Variants in PRDM16 observed in about 807,000 individuals in gnomAD.
The protein encoded by PRDM16 is histone-lysine N-methyltransferase PRDM16.
PRDM16 carries 23 observed loss-of-function variants against 110.6 expected under a neutral mutation model. The ratio of observed to expected loss-of-function variants is 0.21; its 90% CI spans 0.15 to 0.29. The LOEUF (loss-of-function observed/expected upper bound fraction) is 0.29. Ranked by LOEUF, PRDM16 falls within the 10% of genes least tolerant of loss-of-function variation. PRDM16 has a pLI of 1.00. For missense variants in PRDM16, 1,615 were observed against 1,794.3 expected, an observed-to-expected ratio of 0.90 and a Z score of 1.81; for synonymous variants, 799 against 781.8, an observed-to-expected ratio of 1.02 and a Z score of -0.37.
intron 2 of PRDM16, among the ~76,000 whole-genome samples, chr1:3,229,368 C>T (rs1248790830): frequency 1.3e-5 from 2 of 152,186 alleles, no homozygotes; most frequent in African/African-American, 4.8e-5. Context: ...GGGGCCCCTC[C>T]CCGGCCTCCC....
intron 3 of PRDM16, among the ~76,000 whole-genome samples, chr1:3,364,033 G>C (rs534457959): frequency 2.0e-5 from 3 of 152,236 alleles, no homozygotes; most frequent in South Asian, 4.2e-4. Flanking sequence ...TTGTCTGCGG[G>C]GGGGAAGTTC....
intron 1 of PRDM16, among the ~76,000 whole-genome samples, chr1:3,169,480 C>G (rs555530640): frequency 6.6e-6 from 1 of 152,152 alleles, no homozygotes; most frequent in Non-Finnish European, 1.5e-5. Flanking sequence ...GAGCCCCACC[C>G]CTCTCCCGTG....
chr1:3,081,783 A>G lies in PRDM16; in HGVS notation c.37+12487A>G, dbSNP rs1451542950. Among the ~76,000 whole-genome samples the G allele has an allele frequency of 1.3e-5, 2 of 151,616 alleles. No individual in the cohort carries two copies. Among genetic ancestry groups the G allele is most frequent in the African/African-American group, 2.4e-5 (1 of 41,258 alleles). On this transcript the variant is annotated intron_variant, in intron 1 of 16. Transcript: ENST00000270722. The surrounding 1 kb of genome is among the most constrained non-coding windows in gnomAD (Gnocchi z 4.6). ...CCCCATGGAAGGCCCGTGTTGGGGG[A>G]CCTTCCATGGGCAGCAGGGCAGCAA...
intron 3 of PRDM16, among the ~76,000 whole-genome samples, chr1:3,262,857 G>A (rs1015208795): frequency 6.6e-6 from 1 of 152,202 alleles, no homozygotes; most frequent in Non-Finnish European, 1.5e-5. Context: ...GACAACACGA[G>A]GGTGTGCGCG....
chr1:3,111,274 G>A (rs757938153), intron 1 of PRDM16, among the ~76,000 whole-genome samples: 3 of 152,180 alleles, frequency 2.0e-5, no homozygotes, highest in Non-Finnish European at 4.4e-5. Flanking sequence ...CTCGGCCACG[G>A]CCTTAGTGGG....
chr1:3,070,575 T>C (rs1570190964), intron 1 of PRDM16, among the ~76,000 whole-genome samples: 1 of 93,414 alleles, frequency 1.1e-5, no homozygotes. Context: ...CCCGGGCCGC[T>C]CCCCTCGAGG....
chr1:3,218,467 C>A (rs1322891869), intron 2 of PRDM16, among the ~76,000 whole-genome samples: 1 of 152,244 alleles, frequency 6.6e-6, no homozygotes, highest in African/African-American at 2.4e-5. Context: ...CTTGGGCACA[C>A]CCACCCACTC....
chr1:3,417,204 CATT>C (rs1638288944), intron 10 of PRDM16, among the ~76,000 whole-genome samples: 1 of 152,194 alleles, frequency 6.6e-6, no homozygotes, highest in African/African-American at 2.4e-5. Context: ...TGACATGTCA[CATT>C]ATTATTTTGA....
intron 3 of PRDM16, among the ~76,000 whole-genome samples, chr1:3,287,269 G>A (rs1352005161): frequency 1.3e-5 from 2 of 150,058 alleles, no homozygotes; most frequent in African/African-American, 2.5e-5. Context: ...GGCTGGAGGC[G>A]CCCCGCCACG....
In PRDM16 at chr1:3,426,076, G is replaced by T; in HGVS notation, c.3135G>T (p.Thr1045=). ...APVSQHPGVL[T]NHLGTSASSP... is the part of the protein sequence containing the mutation. The stretch of plus-strand genomic sequence containing the variant: ...TGAGCCAGCACCCCGGGGTCCTCAC[G>T]AACCACCTGGGGACCAGCGCGTCCT... Residue 1045 remains threonine (T), a synonymous_variant, in exon 14 of 17, where the codon ACG becomes ACT. Transcript: ENST00000270722. 2 of 1,613,552 alleles carry T rather than the reference G, an allele frequency of 1.2e-6. No individual in the cohort carries two copies.
intron 3 of PRDM16, among the ~76,000 whole-genome samples, chr1:3,384,783 A>G (rs1643167052): frequency 6.6e-6 from 1 of 152,220 alleles, no homozygotes; most frequent in Admixed American, 6.5e-5. Context: ...TCCTTAGCAG[A>G]GGGCTCTGCT....
chr1:3,174,835 C>G (rs111932350), intron 1 of PRDM16, among the ~76,000 whole-genome samples: 1 of 152,206 alleles, frequency 6.6e-6, no homozygotes, highest in Non-Finnish European at 1.5e-5. Flanking sequence ...GTTCCCCAGT[C>G]TCTGTGGGCC....
At chr1:3,270,289 T>TC (rs1640411760) in intron 3 of PRDM16, among the ~76,000 whole-genome samples, 1 of 126,532 alleles carries the variant, frequency 7.9e-6, no homozygotes, top group African/African-American at 3.1e-5. Context: ...AGGAGGACAG[T>TC]GGGGAAGAGG....
chr1:3,416,023 G>A (rs1029090721), intron 10 of PRDM16, among the ~76,000 whole-genome samples: 3 of 152,188 alleles, frequency 2.0e-5, no homozygotes, highest in Non-Finnish European at 2.9e-5. Context: ...GTTCTCATCA[G>A]GATGAGAGCA....
chr1:3,308,940 T>C (rs1641377206), intron 3 of PRDM16: 1 of 152,258 alleles, frequency 6.6e-6, no homozygotes, highest in South Asian at 2.1e-4. Context: ...GTGAGAGATG[T>C]GTGGGTGCCC....
intron 1 of PRDM16, among the ~76,000 whole-genome samples, chr1:3,155,417 A>G (rs1643844953): frequency 6.6e-6 from 1 of 152,218 alleles, no homozygotes; most frequent in Non-Finnish European, 1.5e-5. Flanking sequence ...TTGCCCTGTT[A>G]TCTGCGTGGT....
chr1:3,120,889 C>T lies in PRDM16; in HGVS notation c.37+51593C>T, dbSNP rs372197751. On this transcript the variant is annotated intron_variant, in intron 1 of 16. Transcript: ENST00000270722. The stretch of plus-strand genomic sequence containing the variant: ...GCAGGGATTTGCAGAGACTTGTTCT[C>T]TCCGGGATCTGCCATTCCAGGGGCT... Among the ~76,000 whole-genome samples, 29 of 152,296 alleles carry T rather than the reference C, an allele frequency of 1.9e-4. No individual in the cohort carries two copies. The South Asian group carries it at 5.4e-3, about 28-fold the overall frequency.
intron 1 of PRDM16, among the ~76,000 whole-genome samples, chr1:3,160,830 C>G (rs1643891584): frequency 6.6e-6 from 1 of 152,202 alleles, no homozygotes; most frequent in African/African-American, 2.4e-5. Context: ...GACAGGGTAG[C>G]TGGGCTCAGA....
chr1:3,233,358 G>A (rs542100695), intron 2 of PRDM16, among the ~76,000 whole-genome samples: 1 of 152,360 alleles, frequency 6.6e-6, no homozygotes, highest in East Asian at 1.9e-4. Context: ...CCACTTTGGG[G>A]TTTGCAATGG....
Sources: gnomAD v4.1 joint callset for allele counts (sites outside exome capture counted in the v4.1 genomes callset) on GRCh38, gnomAD v4.1.1 for gene constraint, Gnocchi (gnomAD v3.1) non-coding constraint, MANE v1.5 for transcripts, NCBI Gene and HGNC (gene_info 2026-07-23, HGNC 2026-07-21) for gene names.